FARS2: variants seen among roughly 807,000 people sequenced by gnomAD.
The protein encoded by FARS2 is phenylalanine--tRNA ligase, mitochondrial.
Under a neutral mutation model 46.4 loss-of-function variants are expected in FARS2, and 40 were observed. The ratio of observed to expected loss-of-function variants is 0.86; its 90% CI spans 0.67 to 1.12. The LOEUF (loss-of-function observed/expected upper bound fraction) is 1.12, where lower values mean the gene tolerates loss of function less well. FARS2 is among the 50% of genes most tolerant of loss of function. The probability of loss-of-function intolerance (pLI) is 0.00; values close to 1 mark genes in which losing one functional copy is unlikely to be tolerated. For synonymous variants in FARS2, 234 were observed against 214.9 expected (o/e 1.09, Z -0.78); for missense variants, 513 against 567.9 (o/e 0.90, Z 0.98).
chr6:5,367,604 G>T lies in FARS2; in HGVS notation c.-21-946G>T, dbSNP rs535234390. Among the ~76,000 whole-genome samples, 21 of 151,712 alleles carry T rather than the reference G, an allele frequency of 1.4e-4. No homozygotes were observed. The East Asian group carries it at 3.9e-3, about 28-fold the overall frequency. On this transcript the variant is annotated intron_variant, in intron 1 of 6. Transcript: ENST00000274680. ...GTGACTTGAACCGCCTATACTAGATGACAGCTGAGGTGACTTTCAGCTGTA... is the reference window on the plus strand; with the variant it reads ...GTGACTTGAACCGCCTATACTAGATTACAGCTGAGGTGACTTTCAGCTGTA...
intron 5 of FARS2, among the ~76,000 whole-genome samples, chr6:5,591,382 G>A (rs1462331765): frequency 1.3e-5 from 2 of 152,142 alleles, no homozygotes; most frequent in South Asian, 2.1e-4. Flanking sequence ...CGTCCCCTCC[G>A]CAACTTACAT....
intron 4 of FARS2, among the ~76,000 whole-genome samples, chr6:5,455,662 C>G (rs945859677): frequency 6.6e-6 from 1 of 152,074 alleles, no homozygotes; most frequent in Non-Finnish European, 1.5e-5. Flanking sequence ...TTTCATTGCT[C>G]TTAATTATAG....
At chr6:5,705,524 C>T (rs1482882094) in intron 6 of FARS2, among the ~76,000 whole-genome samples, 7 of 152,124 alleles carry the variant, frequency 4.6e-5, no homozygotes, top group Non-Finnish European at 5.9e-5. Context: ...CTCGATTCAC[C>T]CTGAATTTGC....
At chr6:5,465,876 G>T (rs1024637261) in intron 4 of FARS2, among the ~76,000 whole-genome samples, 1 of 151,430 alleles carries the variant, frequency 6.6e-6, no homozygotes, top group African/African-American at 2.4e-5. Flanking sequence ...TTGAAAAAAA[G>T]AATTTTTTTT....
At chr6:5,272,180 A>G (rs1480315044) in intron 1 of FARS2, among the ~76,000 whole-genome samples, 1 of 152,178 alleles carries the variant, frequency 6.6e-6, no homozygotes, top group African/African-American at 2.4e-5. Flanking sequence ...TTACCACAAG[A>G]TCACGATTTT....
intron 4 of FARS2, among the ~76,000 whole-genome samples, chr6:5,485,935 C>T (rs1230173280): frequency 6.6e-5 from 10 of 152,320 alleles, no homozygotes; most frequent in South Asian, 2.1e-4. Context: ...GAACATTTCC[C>T]GCACTCAGGA....
chr6:5,623,757 A>C (rs1322629438), intron 6 of FARS2, among the ~76,000 whole-genome samples: 6 of 152,134 alleles, frequency 3.9e-5, no homozygotes, highest in Admixed American at 2.6e-4. Flanking sequence ...AGTGGCATCG[A>C]TGCTGGTCAG....
intron 1 of FARS2, among the ~76,000 whole-genome samples, chr6:5,342,754 GAAAAAAA>G (rs1192128961): frequency 2.9e-5 from 3 of 104,156 alleles, no homozygotes; most frequent in East Asian, 5.2e-4. Context: ...CTCTGTCTAA[GAAAAAAA>G]AAAAAAAGAA....
chr6:5,525,111 C>G (rs531840628), intron 4 of FARS2, among the ~76,000 whole-genome samples: 1 of 152,042 alleles, frequency 6.6e-6, no homozygotes, highest in South Asian at 2.1e-4. Context: ...CTCTGAAATT[C>G]CTGGAAAAGA....
intron 4 of FARS2, among the ~76,000 whole-genome samples, chr6:5,436,228 GAGTT>G (rs1183682850): frequency 6.6e-6 from 1 of 152,214 alleles, no homozygotes; most frequent in African/African-American, 2.4e-5. Context: ...GTGCATCCCA[GAGTT>G]AGTTAGGTTC....
At chr6:5,455,618 A>G in intron 4 of FARS2, among the ~76,000 whole-genome samples, 1 of 152,154 alleles carries the variant, frequency 6.6e-6, no homozygotes, top group Non-Finnish European at 1.5e-5. Context: ...TTAGAATAAA[A>G]TTCTTTGGAG....
chr6:5,642,268 C>G (rs1167303143), intron 6 of FARS2, among the ~76,000 whole-genome samples: 1 of 152,102 alleles, frequency 6.6e-6, no homozygotes, highest in African/African-American at 2.4e-5. Flanking sequence ...GTTTATTTCT[C>G]TAGGGCACTA....
chr6:5,605,740 C>T (rs777679647), intron 5 of FARS2, among the ~76,000 whole-genome samples: 13 of 151,624 alleles, frequency 8.6e-5, no homozygotes, highest in Non-Finnish European at 7.4e-5. Flanking sequence ...AATAAAAAAG[C>T]TATCTTGGAA....
chr6:5,543,738 G>A (rs377679941), intron 4 of FARS2, among the ~76,000 whole-genome samples: 3 of 152,158 alleles, frequency 2.0e-5, no homozygotes, highest in Admixed American at 6.5e-5. Context: ...TCGTTGAGAC[G>A]AGTCCTGCCT....
In FARS2 at chr6:5,698,521, G is replaced by C. The variant is rs535344956; in HGVS notation, c.1218-72770G>C. Among the ~76,000 whole-genome samples the C allele has an allele frequency of 2.6e-5, 4 of 152,270 alleles. No individual in the cohort carries two copies. The East Asian group carries it at 7.7e-4, about 29-fold the overall frequency. ...AAACCATATCACAAGGAAAGCTTCC[G>C]GAGCTGAGGCAACCCTTCTAACATG... On this transcript the variant is annotated intron_variant, in intron 6 of 6. Coordinates refer to ENST00000274680, the MANE Select transcript of FARS2 (RefSeq NM_006567.5).
At chr6:5,729,767 G>A (rs1760504167) in intron 6 of FARS2, among the ~76,000 whole-genome samples, 1 of 152,102 alleles carries the variant, frequency 6.6e-6, no homozygotes, top group Non-Finnish European at 1.5e-5. Flanking sequence ...TGCTTTCAAG[G>A]CACATATTTT....
chr6:5,537,466 C>CCCGGGCCTCCTCTCGAGT lies in FARS2; in HGVS notation c.905-7714_905-7713insCCGGGCCTCCTCTCGAGT, dbSNP rs1554106448. On this transcript the variant is annotated intron_variant, in intron 4 of 6. Coordinates refer to ENST00000274680, the MANE Select transcript of FARS2 (RefSeq NM_006567.5). ...GAGATGTCCCGGGCCTCCTCTCGAG[C>CCCGGGCCTCCTCTCGAGT]TGGAGATGTCCCGGGCCTCCTCTCG... is the stretch of plus-strand genomic sequence containing the variant. 8.3e-5 allele frequency among the ~76,000 whole-genome samples: 10 copies of CCCGGGCCTCCTCTCGAGT among 120,924 alleles called. 2 individuals carry two copies. The highest frequency in any genetic ancestry group is 1.7e-4 in the Admixed American group (2 of 11,984). 79.3% of individuals were successfully genotyped at this position (120,924 alleles called of 152,430 possible).
chr6:5,292,680 C>A (rs1182691819), intron 1 of FARS2, among the ~76,000 whole-genome samples: 1 of 152,150 alleles, frequency 6.6e-6, no homozygotes, highest in Non-Finnish European at 1.5e-5. Context: ...AGAAGTCCTG[C>A]ATAGACAGGT....
At chr6:5,358,005 G>C (rs929818996) in intron 1 of FARS2, among the ~76,000 whole-genome samples, 1 of 152,110 alleles carries the variant, frequency 6.6e-6, no homozygotes, top group African/African-American at 2.4e-5. Flanking sequence ...TGTAATTGCT[G>C]CACTACAGTC....
Sources: gnomAD v4.1 joint callset for allele counts (sites outside exome capture counted in the v4.1 genomes callset) on GRCh38, gnomAD v4.1.1 for gene constraint, MANE v1.5 for transcripts, NCBI Gene and HGNC (gene_info 2026-07-23, HGNC 2026-07-21) for gene names.